The following CTDSP2 variants were observed in gnomAD, a reference collection of about 807,000 sequenced individuals.
CTDSP2 encodes CTD small phosphatase 2.
A neutral mutation model predicts 31.6 loss-of-function variants in CTDSP2; 9 were observed. The ratio of observed to expected loss-of-function variants is 0.28; its 90% confidence interval spans 0.17 to 0.50. The LOEUF (loss-of-function observed/expected upper bound fraction) is 0.50. Among genes scored for constraint, CTDSP2 ranks in the 20% least tolerant of loss-of-function variants. The probability of loss-of-function intolerance (pLI) is 0.98; values close to 1 mark genes in which losing one functional copy is unlikely to be tolerated. For missense variants in CTDSP2, 267 were observed against 348.5 expected, an observed-to-expected ratio of 0.77 and a Z score of 1.86; for synonymous variants, 134 against 134.5, an observed-to-expected ratio of 1.00 and a Z score of 0.03.
At chr12:57,833,230 C>T (rs1038768538) in intron 1 of CTDSP2, among the ~76,000 whole-genome samples, 6 of 152,222 alleles carry the variant, frequency 3.9e-5, no homozygotes, top group South Asian at 2.1e-4. Flanking sequence ...GCCTGGCTTG[C>T]GCCCGCTGCA....
chr12:57,846,479 C>A lies in CTDSP2; in HGVS notation c.-44G>T, dbSNP rs1277894939. ...CGGGCTGGCTGGGCGGGAGGACGGGCGGGCGCGCGGGCTGGGCTGGGCTGG... is the reference window on the plus strand; with the variant it reads ...CGGGCTGGCTGGGCGGGAGGACGGGAGGGCGCGCGGGCTGGGCTGGGCTGG... On this transcript the variant is annotated 5_prime_UTR_variant, in exon 1 of 8. Coordinates refer to ENST00000398073, the MANE Select transcript of CTDSP2 (RefSeq NM_005730.4). 3 of 1,511,480 alleles carry A rather than the reference C, an allele frequency of 2.0e-6. No homozygotes were observed. Among genetic ancestry groups the A allele is most frequent in the African/African-American group, 1.4e-5 (1 of 69,528 alleles). The allele number at this position is 1,511,480 out of a possible 1,614,324, so 93.6% of individuals were successfully genotyped here.
At chr12:57,842,868 TCTACAGTGAACGGTGTCTGAACA>T (rs1956291247) in intron 1 of CTDSP2, 1 of 152,234 alleles carries the variant, frequency 6.6e-6, no homozygotes, top group Admixed American at 6.5e-5. Context: ...CTTGCCTACA[TCTACAGTGAACGGTGTCTGAACA>T]ACTTTTTGAG....
chr12:57,835,446 C>T (rs1956242044), intron 1 of CTDSP2, among the ~76,000 whole-genome samples: 1 of 152,190 alleles, frequency 6.6e-6, no homozygotes, highest in Non-Finnish European at 1.5e-5. Flanking sequence ...CATGAGCCAC[C>T]ATGCCTGGCC....
chr12:57,839,391 G>A (rs1293913345), intron 1 of CTDSP2, among the ~76,000 whole-genome samples: 1 of 152,138 alleles, frequency 6.6e-6, no homozygotes. Context: ...CCTGAAGCAT[G>A]CACCTGAATC....
intron 1 of CTDSP2, among the ~76,000 whole-genome samples, chr12:57,832,145 C>G (rs568076428): frequency 6.6e-6 from 1 of 152,092 alleles, no homozygotes; most frequent in African/African-American, 2.4e-5. Context: ...CGCGCATGCT[C>G]TCTCTCTCTC....
chr12:57,840,966 G>C (rs1456755197), intron 1 of CTDSP2, among the ~76,000 whole-genome samples: 2 of 152,192 alleles, frequency 1.3e-5, no homozygotes, highest in Non-Finnish European at 2.9e-5. Context: ...GAAGGGCTGG[G>C]CATTTTGCCA....
At chr12:57,828,413 C>G (rs1004880706) in intron 2 of CTDSP2, among the ~76,000 whole-genome samples, 49 of 146,914 alleles carry the variant, frequency 3.3e-4, no homozygotes, top group Non-Finnish European at 7.0e-4. Context: ...AAGAGCGAAA[C>G]TCCATCTCAA....
intron 1 of CTDSP2, among the ~76,000 whole-genome samples, chr12:57,839,725 A>G (rs1233144509): frequency 6.7e-6 from 1 of 149,224 alleles, no homozygotes; most frequent in Non-Finnish European, 1.5e-5. Context: ...CTCCATCTCA[A>G]AAAAAAAAGT....
intron 1 of CTDSP2, among the ~76,000 whole-genome samples, chr12:57,843,302 T>C (rs954075932): frequency 2.0e-4 from 30 of 152,214 alleles, no homozygotes; most frequent in Non-Finnish European, 1.2e-4. Flanking sequence ...TCAACAGCCA[T>C]TCTTGCCAAG....
chr12:57,840,441 G>A (rs974710852), intron 1 of CTDSP2, among the ~76,000 whole-genome samples: 1 of 152,144 alleles, frequency 6.6e-6, no homozygotes, highest in Non-Finnish European at 1.5e-5. Flanking sequence ...CTTCTCTAGG[G>A]GTAGTTCTAT....
At position 57,823,402 on chromosome 12, in the gene CTDSP2, C is replaced by G. The variant is rs79405560; in HGVS notation, c.*200G>C. On this transcript the variant is annotated 3_prime_UTR_variant, in exon 8 of 8. Coordinates refer to ENST00000398073, the MANE Select transcript of CTDSP2 (RefSeq NM_005730.4). ...TCAAACACACATCTCAACAAGTTGG[C>G]GGCAGGTAGCTCTGGGTATCATTGG... 3.3e-6 allele frequency: 2 copies of G among 602,478 alleles called. No homozygotes were observed. The highest frequency in any genetic ancestry group is 5.7e-5 in the East Asian group (2 of 35,006). 37.3% of individuals were successfully genotyped at this position (602,478 alleles called of 1,614,324 possible). A position where few individuals can be genotyped will look rare whatever the true frequency, so the allele number is the denominator to read the frequency against.
At position 57,820,062 on chromosome 12, in the gene CTDSP2, T is replaced by C. The variant is rs1956134382; in HGVS notation, c.*3540A>G. On this transcript the variant is annotated 3_prime_UTR_variant, in exon 8 of 8. Coordinates refer to ENST00000398073, the MANE Select transcript of CTDSP2 (RefSeq NM_005730.4). The stretch of plus-strand genomic sequence containing the variant: ...TACAACAAATTTATCAAACCATGAA[T>C]CTGTAAGCAAGGTAGTCAGAATCCC... 1 of 152,608 alleles carries C rather than the reference T, an allele frequency of 6.6e-6. No individual in the cohort carries two copies. The highest frequency in any genetic ancestry group is 2.1e-4 in the South Asian group (1 of 4,830). 9.5% of individuals were successfully genotyped at this position (152,608 alleles called of 1,614,324 possible).
At chr12:57,838,694 T>C (rs1956262792) in intron 1 of CTDSP2, among the ~76,000 whole-genome samples, 1 of 152,142 alleles carries the variant, frequency 6.6e-6, no homozygotes, top group South Asian at 2.1e-4. Flanking sequence ...AAAAATACAG[T>C]GGTGACACAA....
At chr12:57,832,789 C>CAAAAAA in intron 1 of CTDSP2, among the ~76,000 whole-genome samples, 1 of 13,082 alleles carries the variant, frequency 7.6e-5, no homozygotes, top group Non-Finnish European at 1.6e-4. Context: ...GAGACTCTGG[C>CAAAAAA]TAAAAAAAAA....
At position 57,820,563 on chromosome 12, in the gene CTDSP2, C is replaced by T. The variant is rs1177670001; in HGVS notation, c.*3039G>A. 1 of 152,594 alleles carries T rather than the reference C, an allele frequency of 6.6e-6. No individual in the cohort carries two copies. Among genetic ancestry groups the T allele is most frequent in the African/African-American group, 2.4e-5 (1 of 41,452 alleles). 9.5% of individuals were successfully genotyped at this position (152,594 alleles called of 1,614,324 possible). On this transcript the variant is annotated 3_prime_UTR_variant, in exon 8 of 8. Transcript: ENST00000398073. ...AGAGAAAGACTGCCTTTACATTTCC[C>T]ATGCTTTTAGCACAAAGCAGCGTCT... is the stretch of plus-strand genomic sequence containing the variant.
intron 5 of CTDSP2, among the ~76,000 whole-genome samples, chr12:57,825,319 G>C (rs901249823): frequency 6.6e-6 from 1 of 152,138 alleles, no homozygotes; most frequent in Non-Finnish European, 1.5e-5. Context: ...CTGTTAGCCT[G>C]CCATTCCTTC....
At chr12:57,843,259 G>A (rs1956293705) in intron 1 of CTDSP2, among the ~76,000 whole-genome samples, 1 of 152,172 alleles carries the variant, frequency 6.6e-6, no homozygotes, top group Non-Finnish European at 1.5e-5. Context: ...CAACCTCTTA[G>A]CAATGGGGTG....
At position 57,846,634 on chromosome 12, in the gene CTDSP2, C is replaced by A; in HGVS notation, c.-199G>T. 1 of 466,836 alleles carries A rather than the reference C, an allele frequency of 2.1e-6. No homozygotes were observed. The allele number at this position is 466,836 out of a possible 1,614,324, so 28.9% of individuals were successfully genotyped here. A position where few individuals can be genotyped will look rare whatever the true frequency, so the allele number is the denominator to read the frequency against. On this transcript the variant is annotated 5_prime_UTR_variant, in exon 1 of 8. Coordinates refer to ENST00000398073, the MANE Select transcript of CTDSP2 (RefSeq NM_005730.4). ...TACAAAGGGCGGGCGGCCCGGGCAG[C>A]GGCTCCCCCGGGTGCCCCCGGCCCC...
At chr12:57,837,711 TAAA>T (rs771786105) in intron 1 of CTDSP2, among the ~76,000 whole-genome samples, 19 of 152,080 alleles carry the variant, frequency 1.2e-4, no homozygotes, top group Admixed American at 3.9e-4. Flanking sequence ...AATAAATAAA[TAAA>T]ATTTAAAAAA....
Sources: gnomAD v4.1 joint callset for allele counts (sites outside exome capture counted in the v4.1 genomes callset) on GRCh38, gnomAD v4.1.1 for gene constraint, MANE v1.5 for transcripts, NCBI Gene and HGNC (gene_info 2026-07-23, HGNC 2026-07-21) for gene names.